Variants in ZBTB20 observed in about 807,000 individuals in gnomAD.
The protein encoded by ZBTB20 is zinc finger and BTB domain-containing protein 20.
ZBTB20 carries 9 observed loss-of-function variants against 56.9 expected under a neutral mutation model. That is an observed-to-expected ratio of 0.16 (90% confidence interval 0.10 to 0.28). The LOEUF (loss-of-function observed/expected upper bound fraction) is 0.28. ZBTB20 is among the 10% of genes least tolerant of loss of function. The pLI is 1.00. For missense variants in ZBTB20, 655 were observed against 1,003.0 expected, an observed-to-expected ratio of 0.65 and a Z score of 4.69; for synonymous variants, 417 against 420.7, an observed-to-expected ratio of 0.99 and a Z score of 0.11.
intron 7 of ZBTB20, among the ~76,000 whole-genome samples, chr3:114,433,665 T>G (rs765957866): frequency 2.0e-5 from 3 of 152,204 alleles, no homozygotes; most frequent in Non-Finnish European, 4.4e-5. Flanking sequence ...TGTGTGTAAG[T>G]ACAGTCTCTG....
chr3:114,367,303 G>A (rs899104538), intron 10 of ZBTB20: 1 of 152,108 alleles, frequency 6.6e-6, no homozygotes, highest in African/African-American at 2.4e-5. Flanking sequence ...ATCTCACTCT[G>A]TCACCCAGGG....
chr3:114,838,458 A>G (rs1436011964), intron 4 of ZBTB20, among the ~76,000 whole-genome samples: 3 of 152,218 alleles, frequency 2.0e-5, no homozygotes, highest in Non-Finnish European at 4.4e-5. Flanking sequence ...TCGAATGGAC[A>G]TAATGATGCA....
intron 3 of ZBTB20, among the ~76,000 whole-genome samples, chr3:114,967,478 T>C (rs976483462): frequency 6.6e-6 from 1 of 152,210 alleles, no homozygotes; most frequent in African/African-American, 2.4e-5. Flanking sequence ...CAAAAACTAC[T>C]TGAACAGTTT....
At position 114,914,655 on chromosome 3, in the gene ZBTB20, A is replaced by G. The variant is rs562931904; in HGVS notation, c.-455-14313T>C. 3.9e-5 allele frequency among the ~76,000 whole-genome samples: 6 copies of G among 152,094 alleles called. No individual in the cohort carries two copies. In the East Asian group the frequency reaches 1.2e-3, roughly 29 times the overall value. ...TGTCATGTTCCAGATCTTAGGGTAA[A>G]GGCTTTCAGTTTTTCCCCACTCAGC... On this transcript the variant is annotated intron_variant, in intron 3 of 11. Transcript: ENST00000675478.
At chr3:114,600,141 C>A (rs1253941391) in intron 6 of ZBTB20, among the ~76,000 whole-genome samples, 1 of 152,012 alleles carries the variant, frequency 6.6e-6, no homozygotes, top group Non-Finnish European at 1.5e-5. Flanking sequence ...CCTTCCTTTG[C>A]ATAATGGATA....
intron 6 of ZBTB20, among the ~76,000 whole-genome samples, chr3:114,582,470 C>T (rs957731230): frequency 2.0e-5 from 3 of 151,832 alleles, no homozygotes; most frequent in East Asian, 1.9e-4. Flanking sequence ...CTACAACCTC[C>T]GCCTCCTGGG....
intron 8 of ZBTB20, chr3:114,387,776 G>A (rs2085333487): frequency 6.6e-6 from 1 of 152,222 alleles, no homozygotes; most frequent in Admixed American, 6.5e-5. Context: ...GTATATACAA[G>A]TAAGTTCCTT....
rs2079223810 is a variant in ZBTB20 at position 114,330,859 on chromosome 3, C to T, written c.*8146G>A. ...ACCAAACCCTCAGAGTCCATTCATT[C>T]AGTATATTATACTAGAGTGGCATTC... is the stretch of plus-strand genomic sequence containing the variant. On this transcript the variant is annotated 3_prime_UTR_variant, in exon 12 of 12. Coordinates refer to ENST00000675478, the MANE Select transcript of ZBTB20 (RefSeq NM_001348800.3). 1 of 152,148 alleles carries T rather than the reference C, an allele frequency of 6.6e-6. No homozygotes were observed. Among genetic ancestry groups the T allele is most frequent in the Non-Finnish European group, 1.5e-5 (1 of 68,038 alleles). The allele number at this position is 152,148 out of a possible 1,614,324, so 9.4% of individuals were successfully genotyped here. A position where few individuals can be genotyped will look rare whatever the true frequency, so the allele number is the denominator to read the frequency against.
chr3:114,682,208 G>A (rs1420332908), intron 6 of ZBTB20, among the ~76,000 whole-genome samples: 1 of 151,982 alleles, frequency 6.6e-6, no homozygotes, highest in Non-Finnish European at 1.5e-5. Flanking sequence ...TGTTCACAGT[G>A]TTTTACCAAA....
At chr3:114,951,073 TG>T (rs1456428100) in intron 3 of ZBTB20, among the ~76,000 whole-genome samples, 6 of 152,290 alleles carry the variant, frequency 3.9e-5, no homozygotes, top group African/African-American at 1.2e-4. Context: ...GGTCTGCTAA[TG>T]TTTTTTTATT....
chr3:114,603,341 G>C (rs1035198531), intron 6 of ZBTB20, among the ~76,000 whole-genome samples: 3 of 151,934 alleles, frequency 2.0e-5, no homozygotes, highest in African/African-American at 7.2e-5. Flanking sequence ...ATCAAGTTCT[G>C]AGAACAGTAT....
intron 7 of ZBTB20, among the ~76,000 whole-genome samples, chr3:114,487,600 G>A (rs1222323866): frequency 6.6e-6 from 1 of 152,176 alleles, no homozygotes; most frequent in East Asian, 1.9e-4. Context: ...ACCCAGAACA[G>A]CTTTGTACAA....
At chr3:114,880,299 C>A (rs1234020534) in intron 4 of ZBTB20, among the ~76,000 whole-genome samples, 2 of 152,130 alleles carry the variant, frequency 1.3e-5, no homozygotes, top group African/African-American at 4.8e-5. Flanking sequence ...GAAAGCTGTT[C>A]TCCATAGCCT....
intron 4 of ZBTB20, among the ~76,000 whole-genome samples, chr3:114,811,402 A>G (rs1352582414): frequency 6.6e-6 from 1 of 152,208 alleles, no homozygotes; most frequent in African/African-American, 2.4e-5. Flanking sequence ...TCCCTTGAGA[A>G]TACACTTCCC....
chr3:114,633,845 G>A (rs990156174), intron 6 of ZBTB20, among the ~76,000 whole-genome samples: 30 of 152,104 alleles, frequency 2.0e-4, no homozygotes, highest in African/African-American at 7.2e-4. Flanking sequence ...TAGTAACAAA[G>A]GAATAAATTT....
At chr3:114,559,541 C>A (rs2051724364) in intron 6 of ZBTB20, among the ~76,000 whole-genome samples, 8 of 152,092 alleles carry the variant, frequency 5.3e-5, no homozygotes, top group Admixed American at 5.2e-4. Flanking sequence ...AGGTATTGCA[C>A]CCTCTTTTGG....
At chr3:114,587,863 C>T (rs984274920) in intron 6 of ZBTB20, among the ~76,000 whole-genome samples, 2 of 152,202 alleles carry the variant, frequency 1.3e-5, no homozygotes, top group Non-Finnish European at 2.9e-5. Context: ...ATCTGTATTG[C>T]CATCCTTGTT....
At chr3:114,371,765 T>G (rs2083043403) in intron 10 of ZBTB20, among the ~76,000 whole-genome samples, 1 of 152,240 alleles carries the variant, frequency 6.6e-6, no homozygotes, top group Non-Finnish European at 1.5e-5. Flanking sequence ...ACTTTCGTTA[T>G]AACACTTGTG....
chr3:115,006,375 T>C (rs1560484469), intron 2 of ZBTB20, among the ~76,000 whole-genome samples: 1 of 151,616 alleles, frequency 6.6e-6, no homozygotes, highest in African/African-American at 2.4e-5. Context: ...TGAATAAATA[T>C]TTGCTGGATG....
Sources: gnomAD v4.1 joint callset for allele counts (sites outside exome capture counted in the v4.1 genomes callset) on GRCh38, gnomAD v4.1.1 for gene constraint, MANE v1.5 for transcripts, NCBI Gene and HGNC (gene_info 2026-07-23, HGNC 2026-07-21) for gene names.